EML4: variants seen among roughly 807,000 people sequenced by gnomAD.
EML4 encodes the protein echinoderm microtubule-associated protein-like 4.
EML4 carries 72 observed loss-of-function variants against 129.0 expected under a neutral mutation model. The observed-to-expected ratio is 0.56, with a 90% CI of 0.46 to 0.68. The LOEUF is 0.68. EML4 is among the 30% of genes least tolerant of loss of function. EML4 has a pLI of 0.00. For missense variants in EML4, 1,363 were observed against 1,190.6 expected (o/e 1.14, Z -2.13); for synonymous variants, 532 against 405.0 (o/e 1.31, Z -3.77).
chr2:42,244,951 G>A (rs547885319), intron 1 of EML4, among the ~76,000 whole-genome samples: 119 of 152,078 alleles, frequency 7.8e-4, no homozygotes, highest in African/African-American at 2.6e-3. Flanking sequence ...AAATTTGACC[G>A]TGGGGACAAT....
At chr2:42,238,954 A>C (rs1164157917) in intron 1 of EML4, among the ~76,000 whole-genome samples, 2 of 151,868 alleles carry the variant, frequency 1.3e-5, no homozygotes, top group East Asian at 1.9e-4. Flanking sequence ...TTTTTTGTAG[A>C]GACAGGGTCA....
chr2:42,246,480 A>G (rs193254752), intron 2 of EML4, among the ~76,000 whole-genome samples: 226 of 152,266 alleles, frequency 1.5e-3, no homozygotes, highest in African/African-American at 5.3e-3. Context: ...CCTAGGGAGG[A>G]GTTTTATATA....
intron 1 of EML4, among the ~76,000 whole-genome samples, chr2:42,193,961 A>G (rs1440475647): frequency 6.6e-6 from 1 of 152,190 alleles, no homozygotes; most frequent in Non-Finnish European, 1.5e-5. Flanking sequence ...CTGGGATTAC[A>G]GGCCTGAAAC....
intron 17 of EML4, 72 bp from the exon 18 acceptor site, chr2:42,315,890 A>T (rs1425496164): frequency 8.7e-7 from 1 of 1,153,490 alleles, no homozygotes; most frequent in Non-Finnish European, 1.3e-6. Flanking sequence ...CAAAAAAAAA[A>T]GAAAAAGAAC....
intron 2 of EML4, among the ~76,000 whole-genome samples, chr2:42,252,450 A>G (rs1371850166): frequency 6.6e-6 from 1 of 152,194 alleles, no homozygotes; most frequent in Non-Finnish European, 1.5e-5. Context: ...CCCTGAAATC[A>G]GTTCTTCACA....
intron 6 of EML4, among the ~76,000 whole-genome samples, chr2:42,277,482 G>A (rs2104447327): frequency 1.3e-5 from 2 of 152,126 alleles, no homozygotes; most frequent in South Asian, 4.2e-4. Context: ...GGAGGCCTTA[G>A]CCTGTTCTTA....
chr2:42,219,943 A>C (rs947684156), intron 1 of EML4, among the ~76,000 whole-genome samples: 1 of 151,208 alleles, frequency 6.6e-6, no homozygotes, highest in Non-Finnish European at 1.5e-5. Context: ...AAAAAAAAGG[A>C]AAACTCTTTT....
chr2:42,190,012 G>A (rs1461376654), intron 1 of EML4, among the ~76,000 whole-genome samples: 3 of 150,734 alleles, frequency 2.0e-5, no homozygotes, highest in Non-Finnish European at 4.4e-5. Context: ...TTTTTTTTTA[G>A]GTGATGGTGT....
chr2:42,177,363 G>C (rs768254360), intron 1 of EML4, among the ~76,000 whole-genome samples: 1 of 151,980 alleles, frequency 6.6e-6, no homozygotes, highest in African/African-American at 2.4e-5. Context: ...GCTCACGCCT[G>C]TAATCCCAAC....
intron 14 of EML4, among the ~76,000 whole-genome samples, chr2:42,302,167 A>T (rs1220042932): frequency 6.6e-6 from 1 of 152,240 alleles, no homozygotes; most frequent in South Asian, 2.1e-4. Context: ...AATACTTTAT[A>T]ATATATTGTT....
chr2:42,180,793 C>A (rs972208891), intron 1 of EML4, among the ~76,000 whole-genome samples: 27 of 152,178 alleles, frequency 1.8e-4, no homozygotes, highest in Non-Finnish European at 2.4e-4. Context: ...TCAATAATGT[C>A]TTTTATAGCA....
At chr2:42,247,162 G>A (rs552469403) in intron 2 of EML4, among the ~76,000 whole-genome samples, 1 of 152,150 alleles carries the variant, frequency 6.6e-6, no homozygotes, top group Non-Finnish European at 1.5e-5. Flanking sequence ...AGACCAATAC[G>A]GGGAAATGGG....
intron 1 of EML4, among the ~76,000 whole-genome samples, chr2:42,223,358 ATT>A (rs1027894305): frequency 1.3e-4 from 20 of 152,042 alleles, no homozygotes; most frequent in Non-Finnish European, 2.8e-4. Context: ...ATTTGCTATC[ATT>A]TTTTTGTTTG....
At chr2:42,325,444 A>G (rs2103827674) in intron 19 of EML4, 23 bp from the exon 20 acceptor site, 2 of 1,214,358 alleles carry the variant, frequency 1.6e-6, no homozygotes, top group Non-Finnish European at 1.2e-6. Flanking sequence ...ATGCTTTCTA[A>G]CAATTTATCT....
intron 11 of EML4, among the ~76,000 whole-genome samples, chr2:42,294,924 G>T (rs1222414191): frequency 6.6e-6 from 1 of 152,088 alleles, no homozygotes; most frequent in Non-Finnish European, 1.5e-5. Flanking sequence ...AGCATAAAAG[G>T]TGATACGATA....
intron 6 of EML4, among the ~76,000 whole-genome samples, chr2:42,266,431 G>A (rs34409936): frequency 0.25 from 38,524 of 151,996 alleles, 5,880 homozygotes; most frequent in East Asian, 0.56. Flanking sequence ...TGCAGCCTTG[G>A]CCTCCTGGGC....
intron 6 of EML4, among the ~76,000 whole-genome samples, chr2:42,269,494 A>G (rs1666252471): frequency 6.6e-6 from 1 of 152,228 alleles, no homozygotes. Flanking sequence ...TGGAACTTAC[A>G]TTCATGCTCC....
At chr2:42,321,191 G>T (rs576648824) in intron 19 of EML4, among the ~76,000 whole-genome samples, 95 of 152,076 alleles carry the variant, frequency 6.2e-4, no homozygotes, top group African/African-American at 2.1e-3. Flanking sequence ...ACACCATCCT[G>T]GCTAACACGG....
chr2:42,269,924 GA>G (rs1485576025), intron 6 of EML4, among the ~76,000 whole-genome samples: 1 of 152,156 alleles, frequency 6.6e-6, no homozygotes, highest in Non-Finnish European at 1.5e-5. Context: ...TAGTAAACAT[GA>G]GACCTAGTTA....
Sources: allele counts gnomAD v4.1 joint callset (sites outside exome capture counted in the v4.1 genomes callset), GRCh38; gene constraint gnomAD v4.1.1; transcripts MANE v1.5; gene names NCBI Gene and HGNC (gene_info 2026-07-23, HGNC 2026-07-21).